SEMA4D: variants seen among roughly 807,000 people sequenced by gnomAD.
SEMA4D encodes the protein semaphorin 4D, also known as semaphorin-4D.
In SEMA4D, 22 loss-of-function variants were observed where a neutral mutation model predicts 74.8. The ratio of observed to expected loss-of-function variants is 0.29; its 90% confidence interval spans 0.21 to 0.42. The LOEUF (loss-of-function observed/expected upper bound fraction) is 0.42, where lower values mean the gene tolerates loss of function less well. Ranked by LOEUF, SEMA4D falls within the 10% of genes least tolerant of loss-of-function variation. The probability of loss-of-function intolerance (pLI) is 1.00; values close to 1 mark genes in which losing one functional copy is unlikely to be tolerated. For missense variants in SEMA4D, 937 were observed against 1,118.4 expected (o/e 0.84, Z 2.31); for synonymous variants, 445 against 463.7 (o/e 0.96, Z 0.52).
In SEMA4D at chr9:89,427,482, T is replaced by C. The variant is rs548835617; in HGVS notation, c.-243-21783A>G. ...CCTCTCAGTGTGAAAGGAGCCCAGGTAGGAATTCCCCACTGAAGGAGTCAA... is the reference window on the plus strand; with the variant it reads ...CCTCTCAGTGTGAAAGGAGCCCAGGCAGGAATTCCCCACTGAAGGAGTCAA... On this transcript the variant is annotated intron_variant, in intron 2 of 15. Coordinates refer to ENST00000422704, the MANE Select transcript of SEMA4D (RefSeq NM_001371194.2). Among the ~76,000 whole-genome samples, 4 of 152,122 alleles carry C rather than the reference T, an allele frequency of 2.6e-5. No individual in the cohort carries two copies. The East Asian group carries it at 7.7e-4, about 29-fold the overall frequency.
At chr9:89,406,454 G>C (rs1843345225) in intron 2 of SEMA4D, among the ~76,000 whole-genome samples, 1 of 152,198 alleles carries the variant, frequency 6.6e-6, no homozygotes, top group Non-Finnish European at 1.5e-5. Flanking sequence ...TGGTGGGAGA[G>C]GCATGCACAG....
At chr9:89,463,708 G>A (rs1273763347) in intron 1 of SEMA4D, among the ~76,000 whole-genome samples, 4 of 152,186 alleles carry the variant, frequency 2.6e-5, no homozygotes, top group East Asian at 1.9e-4. Flanking sequence ...GGCTGAGGCG[G>A]GCATATCACG....
At chr9:89,428,844 C>A (rs912597686) in intron 2 of SEMA4D, among the ~76,000 whole-genome samples, 3 of 152,198 alleles carry the variant, frequency 2.0e-5, no homozygotes, top group African/African-American at 7.2e-5. Context: ...CCACTAGGTC[C>A]CCATCTCCAC....
intron 5 of SEMA4D, among the ~76,000 whole-genome samples, chr9:89,397,184 T>C (rs923591162): frequency 1.3e-5 from 2 of 152,210 alleles, no homozygotes; most frequent in Admixed American, 6.5e-5. Flanking sequence ...CAGTCCCTAA[T>C]TGATACTCAG....
Position 89,484,698 on chromosome 9 carries a change from T to C in SEMA4D, c.-310+13221A>G, listed in dbSNP as rs2136218315. Among the ~76,000 whole-genome samples, 1 of 150,464 alleles carries C rather than the reference T, an allele frequency of 6.6e-6. No homozygotes were observed. ...TAGTGTGGTGGCTGTGTGTGTGGTA[T>C]GTGATGTGGTGTATGGATGTGTTGT... On this transcript the variant is annotated intron_variant, in intron 1 of 15. Coordinates refer to ENST00000422704, the MANE Select transcript of SEMA4D (RefSeq NM_001371194.2). This position sits in a 1 kb window ranked among gnomAD's most constrained non-coding sequence, Gnocchi z 4.1.
rs76534351 is a variant in SEMA4D, at chr9:89,406,662, G to A, written c.-243-963C>T. On this transcript the variant is annotated intron_variant, in intron 2 of 15. Transcript: ENST00000422704. ...CCTGAGCTGGGCACCCAGTGATTGGGCACTTTCACATTACACTTCTGTAAA... is the reference window on the plus strand; with the variant it reads ...CCTGAGCTGGGCACCCAGTGATTGGACACTTTCACATTACACTTCTGTAAA... Among the ~76,000 whole-genome samples the A allele has an allele frequency of 4.6e-3, 696 of 152,316 alleles. 22 individuals carry two copies. The highest frequency in any genetic ancestry group is 0.029 in the Admixed American group (447 of 15,306).
intron 2 of SEMA4D, among the ~76,000 whole-genome samples, chr9:89,412,472 A>G (rs1380173436): frequency 6.6e-6 from 1 of 152,200 alleles, no homozygotes; most frequent in Non-Finnish European, 1.5e-5. Context: ...CGGTTACTCA[A>G]ACTGGTTATG....
chr9:89,475,246 T>G (rs942149002), intron 1 of SEMA4D, among the ~76,000 whole-genome samples: 1 of 152,098 alleles, frequency 6.6e-6, no homozygotes, highest in South Asian at 2.1e-4. Context: ...TGAAAGCAGG[T>G]GGGACTGAGA....
At chr9:89,468,780 C>T (rs555114599) in intron 1 of SEMA4D, among the ~76,000 whole-genome samples, 5 of 152,192 alleles carry the variant, frequency 3.3e-5, no homozygotes, top group African/African-American at 9.6e-5. Context: ...GTGTAATGCT[C>T]GGGGGCAGCA....
At chr9:89,447,807 T>C (rs1328266195) in intron 2 of SEMA4D, among the ~76,000 whole-genome samples, 2 of 144,888 alleles carry the variant, frequency 1.4e-5, no homozygotes, top group Non-Finnish European at 3.0e-5. Context: ...CAGTGCTCCC[T>C]GGACACCCAA....
Position 89,393,572 on chromosome 9 carries a change from G to T in SEMA4D, c.498C>A (p.Ser166=). The change falls in exon 7 of 16, where the codon TCC becomes TCA. Residue 166 remains serine (S), a synonymous_variant. Transcript: ENST00000422704. ...AGGGGCAGGACTCACCAACCATGACGGATGTGTAGCTGTGTGCTGGGTCAA... is the reference window on the plus strand; with the variant it reads ...AGGGGCAGGACTCACCAACCATGACTGATGTGTAGCTGTGTGCTGGGTCAA... ...CPFDPAHSYT[S]VMVDGELYSG... is the part of the protein sequence containing the mutation. 2 of 1,613,898 alleles carry T rather than the reference G, an allele frequency of 1.2e-6. No individual in the cohort carries two copies. The highest frequency in any genetic ancestry group is 1.7e-6 in the Non-Finnish European group (2 of 1,179,788).
At chr9:89,476,079 C>A (rs1047537513) in intron 1 of SEMA4D, among the ~76,000 whole-genome samples, 3 of 152,186 alleles carry the variant, frequency 2.0e-5, no homozygotes, top group Non-Finnish European at 2.9e-5. Flanking sequence ...GCGCAGCTTG[C>A]ACAAGGCCCC....
chr9:89,451,299 A>G (rs1194849443), intron 2 of SEMA4D, among the ~76,000 whole-genome samples: 1 of 152,218 alleles, frequency 6.6e-6, no homozygotes, highest in African/African-American at 2.4e-5. Context: ...GCTGTCAGTC[A>G]GGCCCCTCCC....
At position 89,387,552 on chromosome 9, in the gene SEMA4D, G is replaced by A; in HGVS notation, c.1164C>T (p.Asp388=). The A allele has an allele frequency of 6.2e-7, 1 of 1,614,230 alleles. No individual in the cohort carries two copies. ...GGTCTTTAACGAACTGCAGCGTCTT[G>A]TCTGGCAAATTCAAGGAGCTGGTGT... ...ANYTSSLNLP[D]KTLQFVKDHP... is the part of the protein sequence containing the mutation. The change falls in exon 12 of 16, where the codon GAC becomes GAT. Residue 388 remains aspartate, a synonymous_variant. Transcript: ENST00000422704.
At chr9:89,383,781 G>A (rs1470192629) in intron 13 of SEMA4D, among the ~76,000 whole-genome samples, 1 of 152,114 alleles carries the variant, frequency 6.6e-6, no homozygotes, top group Admixed American at 6.5e-5. Flanking sequence ...ATTTTTAAAG[G>A]CAAAGAAAAA....
At chr9:89,360,901 TATGTAATTA>T (rs1204503035) in exon 19 of SEMA4D, 2 of 152,180 alleles carry the variant, frequency 1.3e-5, no homozygotes, top group Admixed American at 6.5e-5. Context: ...AAACTTCAAG[TATGTAATTA>T]TTTTGTTAAG....
chr9:89,454,981 C>A (rs1282367156), intron 2 of SEMA4D, among the ~76,000 whole-genome samples: 1 of 152,254 alleles, frequency 6.6e-6, no homozygotes, highest in Admixed American at 6.5e-5. Flanking sequence ...CATGAAGTGA[C>A]GGGCCAGCCC....
intron 1 of SEMA4D, among the ~76,000 whole-genome samples, chr9:89,476,095 T>C (rs1431073443): frequency 6.6e-6 from 1 of 152,124 alleles, no homozygotes; most frequent in Non-Finnish European, 1.5e-5. Context: ...GCCCCGGACC[T>C]CGCTCCTGGT....
intron 1 of SEMA4D, chr9:89,472,448 G>A (rs972486572): frequency 4.8e-5 from 13 of 270,412 alleles, no homozygotes; most frequent in African/African-American, 1.9e-4. Flanking sequence ...AAAATAGAAT[G>A]TGGACCTAAA....
Sources: gnomAD v4.1 joint callset for allele counts (sites outside exome capture counted in the v4.1 genomes callset) on GRCh38, gnomAD v4.1.1 for gene constraint, Gnocchi (gnomAD v3.1) non-coding constraint, MANE v1.5 for transcripts, NCBI Gene and HGNC (gene_info 2026-07-23, HGNC 2026-07-21) for gene names.